NUDT22: variants seen among roughly 807,000 people sequenced by gnomAD.
NUDT22 encodes the protein uridine diphosphate glucose pyrophosphatase NUDT22.
In NUDT22, 23 loss-of-function variants were observed where a neutral mutation model predicts 28.8. That is an observed-to-expected ratio of 0.80 (90% confidence interval 0.58 to 1.13). The LOEUF (loss-of-function observed/expected upper bound fraction) is 1.13. NUDT22 is among the 50% of genes most tolerant of loss of function. The pLI, the probability that NUDT22 is intolerant of heterozygous loss-of-function variation, is 0.00. For synonymous variants in NUDT22, 175 were observed against 173.7 expected (o/e 1.01, Z -0.06); for missense variants, 358 against 387.3 (o/e 0.92, Z 0.64).
chr11:64,229,368 C>T (rs1947131749), intron 4 of NUDT22, 24 bp downstream of exon 4: 2 of 1,611,936 alleles, frequency 1.2e-6, no homozygotes, highest in African/African-American at 1.3e-5. Context: ...GGTACATGAT[C>T]CTGGGTCTTG....
intron 3 of NUDT22, chr11:64,227,928 G>A: frequency 7.4e-6 from 3 of 407,908 alleles, no homozygotes; most frequent in South Asian, 6.9e-5. Context: ...GGAATGCAGT[G>A]GCACGATCTC....
Position 64,226,776 on chromosome 11 carries a change from A to G in NUDT22, c.124A>G (p.Thr42Ala). 2 of 1,610,484 alleles carry G rather than the reference A, an allele frequency of 1.2e-6. No homozygotes were observed. The highest frequency in any genetic ancestry group is 1.7e-6 in the Non-Finnish European group (2 of 1,179,926). The change falls in exon 2 of 6, where the codon ACT becomes GCT. Residue 42 changes from threonine (T) to alanine (A), a missense_variant. By Grantham distance (58) the Thr-to-Ala change is moderately conservative (BLOSUM62 0). Coordinates refer to ENST00000279206, the MANE Select transcript of NUDT22 (RefSeq NM_032344.4). ...ACTGCCAGGTGGGGACGAGGCCATC[A>G]CTGCCATCTGGGAGACCCGGCTAAA... ...RPLPGGDEAI[T>A]AIWETRLKAQ...
At chr11:64,229,634 G>T in intron 5 of NUDT22, 63 bp downstream of exon 5, 2 of 1,481,558 alleles carry the variant, frequency 1.3e-6, no homozygotes, top group Non-Finnish European at 1.9e-6. Flanking sequence ...GCCTGGCAAT[G>T]CATATCTTGT....
chr11:64,230,129 C>G (rs1383337822), downstream of NUDT22: 1 of 994,304 alleles, frequency 1.0e-6, no homozygotes, highest in African/African-American at 1.6e-5. Context: ...AGCCTGTGTC[C>G]CCCTCTGCAA....
chr11:64,227,379 C>T, intron 2 of NUDT22, 189 bp from the exon 3 acceptor site: 1 of 723,410 alleles, frequency 1.4e-6, no homozygotes, highest in Non-Finnish European at 2.5e-6. Context: ...CCACCCCTGC[C>T]CCCTGTGTAT....
chr11:64,230,093 G>GTAA, downstream of NUDT22: 3 of 1,021,886 alleles, frequency 2.9e-6, no homozygotes, highest in Non-Finnish European at 4.2e-6. Flanking sequence ...AAGTGACTTG[G>GTAA]GAAAAAAAAA....
intron 5 of NUDT22, 133 bp from the exon 6 acceptor site, chr11:64,229,717 A>G (rs1947139992): frequency 1.5e-6 from 2 of 1,376,530 alleles, no homozygotes; most frequent in African/African-American, 1.4e-5. Flanking sequence ...GGAAAGGTCC[A>G]GGGACATGTT....
chr11:64,228,899 G>A lies in NUDT22; in HGVS notation c.580-348G>A, dbSNP rs181852745. 7.1e-4 allele frequency: 138 copies of A among 193,418 alleles called. 1 individual carries two copies. Among genetic ancestry groups the A allele is most frequent in the Admixed American group, 1.7e-3 (30 of 17,874 alleles). 12.0% of individuals were successfully genotyped at this position (193,418 alleles called of 1,614,324 possible). A position where few individuals can be genotyped will look rare whatever the true frequency, so the allele number is the denominator to read the frequency against. The stretch of plus-strand genomic sequence containing the variant: ...AGGCAGGAGAATCACTTTAACCTGG[G>A]AGGCAGAGGTTGCAGTGAGCTGAGA... On this transcript the variant is annotated intron_variant, in intron 3 of 5. Transcript: ENST00000279206.
In NUDT22 at chr11:64,229,968, C is replaced by CA. The variant is rs1947145958; in HGVS notation, c.891dup (p.Ala298SerfsTer?). The CA allele has an allele frequency of 6.2e-7, 1 of 1,612,526 alleles. No individual in the cohort carries two copies. The highest frequency in any genetic ancestry group is 8.5e-7 in the Non-Finnish European group (1 of 1,179,810). On this transcript the variant is annotated frameshift_variant, in exon 6 of 6. Coordinates refer to ENST00000279206, the MANE Select transcript of NUDT22 (RefSeq NM_032344.4). LOFTEE classifies it high-confidence loss of function. ...CCCACTGGAGCGGCCCTAGGGTCCC[C>CA]AGCCCTACTCCCGCCGCTCTGAAAA...
Position 64,229,583 on chromosome 11 carries a change from C to T in NUDT22, c.771+12C>T. 3 of 1,612,164 alleles carry T rather than the reference C, an allele frequency of 1.9e-6. No individual in the cohort carries two copies. The South Asian group carries it at 3.3e-5, about 18-fold the overall frequency. ...TTGTGGAGACACAGGTGCAGAGTGA[C>T]AAACCATCTTGCTTGGAGGCCAGGG... On this transcript the variant is annotated intron_variant, in intron 5 of 5. Transcript: ENST00000279206.
intron 3 of NUDT22, 53 bp downstream of exon 3, chr11:64,227,719 C>A: frequency 6.8e-7 from 1 of 1,460,594 alleles, no homozygotes. Context: ...GGGGGTAGGA[C>A]TTGCCAGAAT....
chr11:64,226,515 AG>A, intron 1 of NUDT22, 88 bp downstream of exon 1: 1 of 1,484,444 alleles, frequency 6.7e-7, no homozygotes, highest in South Asian at 1.4e-5. Flanking sequence ...AGGAGTGGTC[AG>A]GGGGGTGGAG....
In NUDT22 at chr11:64,226,620, CG is replaced by C. The variant is rs757259346; in HGVS notation, c.-18-14del. ...GGCCCCCCTGGATGACAGGCCTGGC[CG>C]TATCCTCCCCCAGAGCTGCCCCGTT... On this transcript the variant is annotated splice_polypyrimidine_tract_variant and intron_variant, in intron 1 of 5. Transcript: ENST00000279206. 98 of 1,537,834 alleles carry C rather than the reference CG, an allele frequency of 6.4e-5. No homozygotes were observed. In the South Asian group the frequency reaches 1.2e-3, roughly 19 times the overall value.
chr11:64,228,972 A>G (rs1947122361), intron 3 of NUDT22: 2 of 393,078 alleles, frequency 5.1e-6, no homozygotes, highest in South Asian at 6.6e-5. Flanking sequence ...ACTCCATCTC[A>G]AAAAAAGAAA....
rs1947073437 is a variant in NUDT22, at chr11:64,227,559, C to G, written c.481-9C>G. The stretch of plus-strand genomic sequence containing the variant: ...GTGGGGAGCAGGGGCTGAGCCTGAC[C>G]TCTCACAGGCCCTGTGCCCTGGTGG... On this transcript the variant is annotated splice_polypyrimidine_tract_variant and intron_variant, in intron 2 of 5. Coordinates refer to ENST00000279206, the MANE Select transcript of NUDT22 (RefSeq NM_032344.4). The G allele has an allele frequency of 6.2e-7, 1 of 1,610,536 alleles. No homozygotes were observed. Among genetic ancestry groups the G allele is most frequent in the Non-Finnish European group, 8.5e-7 (1 of 1,177,300 alleles).
In NUDT22 at chr11:64,229,330, C is replaced by T. The variant is rs771788582; in HGVS notation, c.663C>T (p.Ala221=). ...AGACCAGTGCTGGCCGAGCCAGTGC[C>T]GAGTTCTATGTCCAGTGAGTAGGCT... is the stretch of plus-strand genomic sequence containing the variant. ...RNETSAGRAS[A]EFYVQCSLTS... Residue 221 remains alanine, a synonymous_variant, in exon 4 of 6, where the codon GCC becomes GCT. Transcript: ENST00000279206. 1.9e-5 allele frequency: 30 copies of T among 1,611,680 alleles called. No homozygotes were observed. Among genetic ancestry groups the T allele is most frequent in the Non-Finnish European group, 2.3e-5 (27 of 1,178,872 alleles).
intron 3 of NUDT22, 186 bp from the exon 4 acceptor site, chr11:64,229,061 C>T (rs1181741113): frequency 3.5e-6 from 2 of 566,204 alleles, no homozygotes; most frequent in Non-Finnish European, 6.3e-6. Context: ...TGTTCAATCT[C>T]TCTGGTTTTG....
rs1373630448 is a variant in NUDT22 at position 64,229,926 on chromosome 11, A to G, written c.848A>G (p.Asn283Ser). 6.3e-7 allele frequency: 1 copy of G among 1,597,992 alleles called. No individual in the cohort carries two copies. Among genetic ancestry groups the G allele is most frequent in the Non-Finnish European group, 8.5e-7 (1 of 1,171,678 alleles). ...GCCAAAGGCGCCATCATCCTCTACA[A>G]CCGGGTTCAGGGAAGTCCCACTGGA... ...PSAKGAIILY[N>S]RVQGSPTGAA... Residue 283 changes from asparagine (N) to serine (S), a missense_variant, in exon 6 of 6, where the codon AAC becomes AGC. Asn to Ser is a conservative substitution (Grantham distance 46). Transcript: ENST00000279206.
intron 3 of NUDT22, 161 bp downstream of exon 3, chr11:64,227,827 G>T (rs1174424800): frequency 3.2e-6 from 2 of 617,776 alleles, no homozygotes; most frequent in Non-Finnish European, 2.9e-6. Flanking sequence ...TGGAATTCTA[G>T]CCCTCAGTAC....
Sources: gnomAD v4.1 joint callset for allele counts on GRCh38, gnomAD v4.1.1 for gene constraint, MANE v1.5 for transcripts, NCBI Gene and HGNC (gene_info 2026-07-23, HGNC 2026-07-21) for gene names.